DOK5: variants seen among roughly 807,000 people sequenced by gnomAD.
DOK5 encodes the protein downstream of tyrosine kinase 5.
Under a neutral mutation model 43.3 loss-of-function variants are expected in DOK5, and 27 were observed. The ratio of observed to expected loss-of-function variants is 0.62; its 90% CI spans 0.46 to 0.86. The LOEUF (loss-of-function observed/expected upper bound fraction) is 0.86. DOK5 is among the 40% of genes least tolerant of loss of function. The pLI is 0.00. For synonymous variants in DOK5, 146 were observed against 140.1 expected, an observed-to-expected ratio of 1.04 and a Z score of -0.30; for missense variants, 373 against 392.9, an observed-to-expected ratio of 0.95 and a Z score of 0.43.
In DOK5 at chr20:54,609,333, C is replaced by T. The variant is rs115430890; in HGVS notation, c.600-1055C>T. ...AGTGGCGTTGTGTCTTAGAATAATT[C>T]GGCTCTTTAAAACAAGCAAGCAAAC... is the stretch of plus-strand genomic sequence containing the variant. On this transcript the variant is annotated intron_variant, in intron 5 of 7. Coordinates refer to ENST00000262593, the MANE Select transcript of DOK5 (RefSeq NM_018431.5). 3.2e-3 allele frequency among the ~76,000 whole-genome samples: 482 copies of T among 152,202 alleles called. 2 individuals carry two copies. Among genetic ancestry groups the T allele is most frequent in the African/African-American group, 0.011 (453 of 41,514 alleles).
chr20:54,504,247 G>A (rs185168049), intron 1 of DOK5, among the ~76,000 whole-genome samples: 106 of 152,136 alleles, frequency 7.0e-4, no homozygotes, highest in Non-Finnish European at 9.3e-4. Flanking sequence ...TAGATCTCGC[G>A]GTCCACCCTA....
At chr20:54,518,823 T>C (rs1260953246) in intron 1 of DOK5, among the ~76,000 whole-genome samples, 1 of 152,102 alleles carries the variant, frequency 6.6e-6, no homozygotes, top group Non-Finnish European at 1.5e-5. Flanking sequence ...AGGGCTAATA[T>C]CCAGAATCTA....
chr20:54,503,910 C>T (rs1401968037), intron 1 of DOK5, among the ~76,000 whole-genome samples: 1 of 152,206 alleles, frequency 6.6e-6, no homozygotes, highest in Non-Finnish European at 1.5e-5. Context: ...AATCCACCAA[C>T]TTCAAAGATG....
intron 1 of DOK5, among the ~76,000 whole-genome samples, chr20:54,501,584 T>C (rs986594816): frequency 3.3e-5 from 5 of 151,454 alleles, no homozygotes; most frequent in Non-Finnish European, 7.4e-5. Context: ...GCACTGGTTA[T>C]AGGATGTGGC....
At chr20:54,645,359 G>A (rs1238648215) in intron 7 of DOK5, among the ~76,000 whole-genome samples, 3 of 87,918 alleles carry the variant, frequency 3.4e-5, no homozygotes, top group African/African-American at 1.5e-4. Context: ...CTCCATGCCC[G>A]CTCTGAACCC....
intron 1 of DOK5, among the ~76,000 whole-genome samples, chr20:54,486,181 T>C (rs1239736899): frequency 6.6e-6 from 1 of 152,172 alleles, no homozygotes; most frequent in Non-Finnish European, 1.5e-5. Flanking sequence ...AGGTGTGCAT[T>C]TCAGGTCAAG....
intron 6 of DOK5, among the ~76,000 whole-genome samples, chr20:54,640,124 A>G (rs1047559938): frequency 1.1e-4 from 16 of 152,204 alleles, no homozygotes; most frequent in Non-Finnish European, 2.1e-4. Context: ...GGGATATGAA[A>G]GGAAAGCGGA....
intron 1 of DOK5, among the ~76,000 whole-genome samples, chr20:54,509,644 G>T (rs1479086105): frequency 6.6e-6 from 1 of 152,190 alleles, no homozygotes; most frequent in Non-Finnish European, 1.5e-5. Flanking sequence ...AAATGAAAGG[G>T]TTTCAAGCAA....
At chr20:54,545,880 T>G (rs558164104) in intron 1 of DOK5, among the ~76,000 whole-genome samples, 2 of 152,334 alleles carry the variant, frequency 1.3e-5, no homozygotes, top group Admixed American at 1.3e-4. Context: ...ATAGATTATC[T>G]ATAAAGTAGT....
chr20:54,597,386 A>G (rs1986176004), intron 5 of DOK5, among the ~76,000 whole-genome samples: 1 of 152,188 alleles, frequency 6.6e-6, no homozygotes, highest in Non-Finnish European at 1.5e-5. Flanking sequence ...TTGACAACAA[A>G]GGATTATCAG....
intron 5 of DOK5, among the ~76,000 whole-genome samples, chr20:54,604,862 G>A (rs761174791): frequency 2.0e-5 from 3 of 152,008 alleles, no homozygotes; most frequent in East Asian, 1.9e-4. Context: ...TTACCCAGGC[G>A]TGGTGGCAGG....
chr20:54,608,824 A>T (rs1038657963), intron 5 of DOK5, among the ~76,000 whole-genome samples: 3 of 152,064 alleles, frequency 2.0e-5, no homozygotes, highest in African/African-American at 7.2e-5. Flanking sequence ...GGTGCCCCCC[A>T]CACCATGCCT....
At chr20:54,615,307 C>T (rs758122720) in intron 6 of DOK5, among the ~76,000 whole-genome samples, 1 of 152,132 alleles carries the variant, frequency 6.6e-6, no homozygotes, top group Non-Finnish European at 1.5e-5. Context: ...CAAATACGCC[C>T]GCATTCTAAT....
In DOK5 at chr20:54,561,389, G is replaced by T. The variant is rs149735862; in HGVS notation, c.174+6349G>T. 1.3e-3 allele frequency among the ~76,000 whole-genome samples: 204 copies of T among 152,286 alleles called. 2 individuals are homozygous for T. The highest frequency in any genetic ancestry group is 4.7e-3 in the African/African-American group (197 of 41,560). On this transcript the variant is annotated intron_variant, in intron 2 of 7. Coordinates refer to ENST00000262593, the MANE Select transcript of DOK5 (RefSeq NM_018431.5). ...AGATATGTTCCTGCAACTGATTCCT[G>T]GCCTCAGGGGAATAAGCACAGAAGA...
chr20:54,571,328 TCTCATGGTTA>T (rs1005741708), intron 2 of DOK5, among the ~76,000 whole-genome samples: 2 of 150,456 alleles, frequency 1.3e-5, no homozygotes, highest in African/African-American at 5.0e-5. Context: ...TTCCCATCCT[TCTCATGGTTA>T]AAGGTCAACA....
At chr20:54,645,025 T>TTTA (rs1491431621) in intron 7 of DOK5, among the ~76,000 whole-genome samples, 1 of 90,800 alleles carries the variant, frequency 1.1e-5, no homozygotes, top group Non-Finnish European at 2.0e-5. Flanking sequence ...TTTTTTTTTT[T>TTTA]GAGACAGAGT....
chr20:54,622,038 A>G (rs993668588), intron 6 of DOK5, among the ~76,000 whole-genome samples: 2 of 151,868 alleles, frequency 1.3e-5, no homozygotes, highest in African/African-American at 4.8e-5. Flanking sequence ...TACTACACAT[A>G]CAAAAATTAG....
At chr20:54,635,809 C>G (rs1206374185) in intron 6 of DOK5, among the ~76,000 whole-genome samples, 1 of 152,162 alleles carries the variant, frequency 6.6e-6, no homozygotes, top group Admixed American at 6.5e-5. Flanking sequence ...GCCTCAGCAA[C>G]CACTGATCTA....
chr20:54,483,286 C>A lies in DOK5; in HGVS notation c.66+7274C>A, dbSNP rs972429316. On this transcript the variant is annotated intron_variant, in intron 1 of 7. Coordinates refer to ENST00000262593, the MANE Select transcript of DOK5 (RefSeq NM_018431.5). ...AGACTAGAAATATTTATTTTTAAAG[C>A]AGCTTTGTAATTTTTGTGGGGAATC... 2.6e-5 allele frequency among the ~76,000 whole-genome samples: 4 copies of A among 152,118 alleles called. No homozygotes were observed. The East Asian group carries it at 7.7e-4, about 29-fold the overall frequency.
Sources: allele counts gnomAD v4.1 joint callset (sites outside exome capture counted in the v4.1 genomes callset), GRCh38; gene constraint gnomAD v4.1.1; transcripts MANE v1.5; gene names NCBI Gene and HGNC (gene_info 2026-07-23, HGNC 2026-07-21).